Variants in HSP90AA1 observed in about 807,000 individuals in gnomAD.
HSP90AA1 encodes heat shock protein HSP 90-alpha.
In HSP90AA1, 18 loss-of-function variants were observed where a neutral mutation model predicts 73.3. The observed-to-expected ratio is 0.25, with a 90% CI of 0.17 to 0.36. The LOEUF is 0.36. HSP90AA1 is among the 10% of genes least tolerant of loss of function. The pLI is 1.00. For synonymous variants in HSP90AA1, 477 were observed against 296.9 expected, an observed-to-expected ratio of 1.61 and a Z score of -6.24; for missense variants, 704 against 874.2, an observed-to-expected ratio of 0.81 and a Z score of 2.45.
chr14:102,084,589 T>C, intron 5 of HSP90AA1, 25 bp from the exon 6 acceptor site: 1 of 1,614,192 alleles, frequency 6.2e-7, no homozygotes, highest in Non-Finnish European at 8.5e-7. Flanking sequence ...ATACACTAAG[T>C]ACCAATGAAC....
upstream of HSP90AA1, among the ~76,000 whole-genome samples, chr14:102,089,824 C>T (rs899898253): frequency 6.6e-6 from 1 of 152,154 alleles, no homozygotes; most frequent in South Asian, 2.1e-4. Flanking sequence ...CTAAGTACCT[C>T]TTGAACCCAG....
chr14:102,096,802 T>C (rs2049431241), intron 2 of HSP90AA1, among the ~76,000 whole-genome samples: 1 of 152,162 alleles, frequency 6.6e-6, no homozygotes, highest in Admixed American at 6.5e-5. Context: ...GGGCCTCCAG[T>C]TGGAAATGTC....
chr14:102,117,039 C>T (rs1050621800), intron 1 of HSP90AA1, among the ~76,000 whole-genome samples: 8 of 152,172 alleles, frequency 5.3e-5, no homozygotes, highest in Non-Finnish European at 5.9e-5. Context: ...TGAGCCTGGG[C>T]GCTGTCCCAG....
At chr14:102,113,811 C>T (rs757151639) in intron 1 of HSP90AA1, among the ~76,000 whole-genome samples, 10 of 151,662 alleles carry the variant, frequency 6.6e-5, no homozygotes, top group East Asian at 3.9e-4. Context: ...CCCAGGTTCA[C>T]GCCATTCTCC....
intron 1 of HSP90AA1, among the ~76,000 whole-genome samples, chr14:102,130,958 A>G (rs1341872669): frequency 6.6e-6 from 1 of 152,142 alleles, no homozygotes; most frequent in Non-Finnish European, 1.5e-5. Flanking sequence ...GGTTCAAGTG[A>G]TCCTCCTGCC....
intron 2 of HSP90AA1, among the ~76,000 whole-genome samples, chr14:102,099,870 C>A (rs115553092): frequency 1.3e-5 from 2 of 152,126 alleles, no homozygotes; most frequent in Non-Finnish European, 2.9e-5. Flanking sequence ...CTTCTAAATT[C>A]TGTTTTAAAA....
chr14:102,117,769 C>T (rs373389072), intron 1 of HSP90AA1, among the ~76,000 whole-genome samples: 19 of 152,298 alleles, frequency 1.2e-4, no homozygotes, highest in East Asian at 7.7e-4. Context: ...CTGCTCACCA[C>T]GTTGCGGGCG....
At chr14:102,109,890 G>T (rs2049616128) in intron 1 of HSP90AA1, among the ~76,000 whole-genome samples, 1 of 152,198 alleles carries the variant, frequency 6.6e-6, no homozygotes, top group Admixed American at 6.6e-5. Context: ...AATGGTCTCA[G>T]ATGGAGATGA....
At chr14:102,128,095 T>TG (rs2049860224) in intron 1 of HSP90AA1, among the ~76,000 whole-genome samples, 1 of 152,310 alleles carries the variant, frequency 6.6e-6, no homozygotes, top group African/African-American at 2.4e-5. Context: ...GGCAGTGCAG[T>TG]GTGGGAGTCT....
intron 1 of HSP90AA1, among the ~76,000 whole-genome samples, chr14:102,108,069 C>A (rs2049590899): frequency 6.6e-6 from 1 of 151,356 alleles, no homozygotes; most frequent in African/African-American, 2.4e-5. Context: ...TGAGACCAAC[C>A]TGGGCAACAT....
intron 6 of HSP90AA1, 42 bp from the exon 7 acceptor site, chr14:102,084,025 A>T: frequency 7.0e-7 from 1 of 1,434,170 alleles, no homozygotes. Flanking sequence ...CATTCCAAGG[A>T]CAAAACTGGT....
intron 1 of HSP90AA1, among the ~76,000 whole-genome samples, chr14:102,106,403 G>A (rs1007649080): frequency 6.6e-6 from 1 of 152,100 alleles, no homozygotes; most frequent in African/African-American, 2.4e-5. Flanking sequence ...CTTTTGTTCT[G>A]TCAGCTAATA....
rs565603924 is a variant in HSP90AA1 at position 102,085,018 on chromosome 14, A to C, written c.664-20T>G. The C allele has an allele frequency of 6.2e-7, 1 of 1,613,842 alleles. No homozygotes were observed. The highest frequency in any genetic ancestry group is 1.3e-5 in the African/African-American group (1 of 74,918). ...CTCCACCTTCAAAAGAAAACACGAAATCACATCACTGCTGCACTCCAGAAC... is the reference window on the plus strand; with the variant it reads ...CTCCACCTTCAAAAGAAAACACGAACTCACATCACTGCTGCACTCCAGAAC... On this transcript the variant is annotated intron_variant, in intron 4 of 10. Coordinates refer to ENST00000216281, the MANE Select transcript of HSP90AA1 (RefSeq NM_005348.4).
Position 102,081,276 on chromosome 14 carries a change from A to T in HSP90AA1, c.*436T>A. 3.5e-6 allele frequency: 1 copy of T among 288,690 alleles called. No individual in the cohort carries two copies. The highest frequency in any genetic ancestry group is 6.6e-6 in the Non-Finnish European group (1 of 151,088). 17.9% of individuals were successfully genotyped at this position (288,690 alleles called of 1,614,324 possible). On this transcript the variant is annotated 3_prime_UTR_variant, in exon 11 of 11. Transcript: ENST00000216281. ...TAACCTATTTCTAGAGGACTAGTAC[A>T]TGCAGAATTGTCAACTACAGGGAAT...
chr14:102,128,189 T>C lies in HSP90AA1; in HGVS notation c.155+11061A>G, dbSNP rs138669093. On this transcript the variant is annotated intron_variant, in intron 1 of 11. Coordinates refer to the HSP90AA1 transcript ENST00000334701. ...TTGTTACAAGAACATGGTGGAGAAA[T>C]TGATCTTGAAAAGAAGAGGTGGCTG... Among the ~76,000 whole-genome samples the C allele has an allele frequency of 4.5e-4, 68 of 152,080 alleles. No homozygotes were observed. In the East Asian group the frequency reaches 0.012, roughly 27 times the overall value.
At chr14:102,129,725 G>A (rs537274900) in intron 1 of HSP90AA1, among the ~76,000 whole-genome samples, 8 of 151,992 alleles carry the variant, frequency 5.3e-5, no homozygotes, top group Non-Finnish European at 7.4e-5. Context: ...GGCTGGTCTC[G>A]AACCCCTGAC....
At chr14:102,121,022 TACAC>T (rs1196251138) in intron 1 of HSP90AA1, among the ~76,000 whole-genome samples, 3,532 of 145,188 alleles carry the variant, frequency 0.024, 84 homozygotes, top group South Asian at 0.1. Context: ...CACACACACA[TACAC>T]ACACACACAC....
intron 2 of HSP90AA1, among the ~76,000 whole-genome samples, chr14:102,100,008 G>A (rs1394012205): frequency 6.6e-6 from 1 of 152,038 alleles, no homozygotes; most frequent in East Asian, 1.9e-4. Context: ...GTGATATAGG[G>A]AACTCTCATC....
intron 1 of HSP90AA1, among the ~76,000 whole-genome samples, chr14:102,136,352 A>G (rs1051268319): frequency 6.8e-6 from 1 of 146,840 alleles, no homozygotes; most frequent in Admixed American, 6.9e-5. Flanking sequence ...GCGGATCACG[A>G]GGTCAGGAGT....
Sources: allele counts gnomAD v4.1 joint callset (sites outside exome capture counted in the v4.1 genomes callset), GRCh38; gene constraint gnomAD v4.1.1; transcripts MANE v1.5; gene names NCBI Gene and HGNC (gene_info 2026-07-23, HGNC 2026-07-21).